Variants in SNX6 observed in about 807,000 individuals in gnomAD.
SNX6 encodes the protein sorting nexin-6.
In SNX6, 34 loss-of-function variants were observed where a neutral mutation model predicts 63.0. The ratio of observed to expected loss-of-function variants is 0.54; its 90% CI spans 0.41 to 0.72. SNX6 has a LOEUF of 0.72. Ranked by LOEUF, SNX6 falls within the 30% of genes least tolerant of loss-of-function variation. The pLI, the probability that SNX6 is intolerant of heterozygous loss-of-function variation, is 0.00. For synonymous variants in SNX6, 170 were observed against 164.2 expected, an observed-to-expected ratio of 1.04 and a Z score of -0.27; for missense variants, 398 against 471.4, an observed-to-expected ratio of 0.84 and a Z score of 1.44.
rs1882690072 is a variant in SNX6 at position 34,598,585 on chromosome 14, G to C, written c.517-940C>G. ...TTTAATAGAGATGGGATTTCACTGT[G>C]TTGGTCAGAGTGGTCTTGAACTCCT... is the stretch of plus-strand genomic sequence containing the variant. On this transcript the variant is annotated intron_variant, in intron 6 of 13. Coordinates refer to ENST00000362031, the MANE Select transcript of SNX6 (RefSeq NM_152233.4). Among the ~76,000 whole-genome samples, 3 of 152,328 alleles carry C rather than the reference G, an allele frequency of 2.0e-5. No individual in the cohort carries two copies. The South Asian group carries it at 6.2e-4, about 32-fold the overall frequency.
At chr14:34,563,420 G>A (rs565438269) in intron 13 of SNX6, among the ~76,000 whole-genome samples, 1 of 152,078 alleles carries the variant, frequency 6.6e-6, no homozygotes, top group African/African-American at 2.4e-5. Context: ...TTAGCCGGGC[G>A]TGGTGGTTGG....
chr14:34,573,050 C>T (rs1387576132), intron 11 of SNX6, among the ~76,000 whole-genome samples: 1 of 152,130 alleles, frequency 6.6e-6, no homozygotes, highest in African/African-American at 2.4e-5. Context: ...GTGGCAATCA[C>T]GGCTCACTGC....
rs371365537 is a variant in SNX6, at chr14:34,620,863, A to T, written c.54+9044T>A. On this transcript the variant is annotated intron_variant, in intron 2 of 13. Coordinates refer to ENST00000362031, the MANE Select transcript of SNX6 (RefSeq NM_152233.4). ...AGCTGAGACACAAGAAACTGCTTAAATCCGGGAGGGAGAAGTTGCAGTGAA... is the reference window on the plus strand; with the variant it reads ...AGCTGAGACACAAGAAACTGCTTAATTCCGGGAGGGAGAAGTTGCAGTGAA... Among the ~76,000 whole-genome samples the T allele has an allele frequency of 2.6e-4, 39 of 152,226 alleles. No individual in the cohort carries two copies. In the East Asian group the frequency reaches 7.2e-3, roughly 28 times the overall value.
chr14:34,590,533 A>G (rs1046531349), intron 8 of SNX6, among the ~76,000 whole-genome samples: 2 of 152,130 alleles, frequency 1.3e-5, no homozygotes, highest in Non-Finnish European at 2.9e-5. Flanking sequence ...ACACTGAGTT[A>G]CCACCACTGA....
rs537841239 is a variant in SNX6 at position 34,566,143 on chromosome 14, G to A, written c.1167+1543C>T. ...CAATGAACATTAGAAACCAGCTCAG[G>A]CTCAGTAAGAGTAATAATGTCAAAC... On this transcript the variant is annotated intron_variant, in intron 13 of 13. Coordinates refer to ENST00000362031, the MANE Select transcript of SNX6 (RefSeq NM_152233.4). 6.6e-5 allele frequency among the ~76,000 whole-genome samples: 10 copies of A among 152,282 alleles called. No homozygotes were observed. The East Asian group carries it at 1.9e-3, about 29-fold the overall frequency.
At chr14:34,573,702 G>C (rs1193160425) in intron 11 of SNX6, among the ~76,000 whole-genome samples, 2 of 151,646 alleles carry the variant, frequency 1.3e-5, no homozygotes, top group African/African-American at 4.8e-5. Flanking sequence ...GCAATGGCGC[G>C]GTCTCGGCTC....
At chr14:34,605,332 T>C (rs1882974654) in intron 5 of SNX6, among the ~76,000 whole-genome samples, 1 of 152,098 alleles carries the variant, frequency 6.6e-6, no homozygotes, top group African/African-American at 2.4e-5. Context: ...TAAAAGAAGC[T>C]TTTGGATCTT....
chr14:34,584,926 C>T (rs553655297), intron 9 of SNX6, among the ~76,000 whole-genome samples: 15 of 151,998 alleles, frequency 9.9e-5, no homozygotes, highest in Admixed American at 7.2e-4. Flanking sequence ...GATCTCGGCT[C>T]AACGCAACCT....
chr14:34,618,708 T>G (rs1251849431), intron 2 of SNX6, among the ~76,000 whole-genome samples: 1 of 151,922 alleles, frequency 6.6e-6, no homozygotes, highest in Non-Finnish European at 1.5e-5. Flanking sequence ...AACCGCTGGT[T>G]CCCTCTGCCT....
chr14:34,569,141 G>T (rs1594692578), intron 11 of SNX6: 3 of 812,048 alleles, frequency 3.7e-6, no homozygotes, highest in Non-Finnish European at 6.6e-6. Flanking sequence ...ATGCGGCCCG[G>T]CCTGTGCACT....
At chr14:34,609,184 A>G (rs1883127914) in intron 3 of SNX6, among the ~76,000 whole-genome samples, 1 of 150,962 alleles carries the variant, frequency 6.6e-6, no homozygotes, top group Admixed American at 6.6e-5. Context: ...CAGAATATTA[A>G]TCTAAAAAAA....
chr14:34,630,087 CT>C (rs1297740665), intron 1 of SNX6, 23 bp downstream of exon 1: 1 of 1,450,502 alleles, frequency 6.9e-7, no homozygotes, highest in African/African-American at 1.5e-5. Flanking sequence ...GCTCCCGGGA[CT>C]CGGCGCCGCG....
intron 2 of SNX6, among the ~76,000 whole-genome samples, chr14:34,613,859 A>G (rs1883322828): frequency 6.6e-6 from 1 of 151,948 alleles, no homozygotes; most frequent in Non-Finnish European, 1.5e-5. Context: ...CTGTAATACC[A>G]GCACTCTGGG....
intron 13 of SNX6, among the ~76,000 whole-genome samples, chr14:34,567,271 G>C (rs1055886980): frequency 2.6e-5 from 4 of 151,942 alleles, no homozygotes; most frequent in African/African-American, 9.7e-5. Context: ...AGGATCATTT[G>C]AGGACGGGAT....
rs373517660 is a variant in SNX6, at chr14:34,605,548, G to C, written c.392+48C>G. ...ATTAAAGCAAGCACAATTAACAAAG[G>C]CAACAACAACCAAAAAAAAAAAACA... On this transcript the variant is annotated intron_variant, in intron 5 of 13. Transcript: ENST00000362031. 3.1e-5 allele frequency: 44 copies of C among 1,440,818 alleles called. No individual in the cohort carries two copies. In the African/African-American group the frequency reaches 6.5e-4, roughly 21 times the overall value. The allele number at this position is 1,440,818 out of a possible 1,614,324, so 89.3% of individuals were successfully genotyped here.
In SNX6 at chr14:34,573,661, C is replaced by T. The variant is rs186498260; in HGVS notation, c.921+2095G>A. The stretch of plus-strand genomic sequence containing the variant: ...ATTAATTAATTTATTTTTTTCGAGA[C>T]GGAGTCTCGCTTTGTCGCCCAGGCT... On this transcript the variant is annotated intron_variant, in intron 11 of 13. Coordinates refer to ENST00000362031, the MANE Select transcript of SNX6 (RefSeq NM_152233.4). 9.3e-5 allele frequency among the ~76,000 whole-genome samples: 14 copies of T among 151,022 alleles called. No homozygotes were observed. In the East Asian group the frequency reaches 2.8e-3, roughly 30 times the overall value.
chr14:34,603,610 GT>G (rs1197747327), intron 5 of SNX6, 139 bp from the exon 6 acceptor site: 4 of 652,760 alleles, frequency 6.1e-6, no homozygotes, highest in Non-Finnish European at 9.3e-6. Flanking sequence ...TGTAAACAAG[GT>G]TTTTAGTTGA....
At chr14:34,614,668 T>C (rs574501650) in intron 2 of SNX6, among the ~76,000 whole-genome samples, 3 of 152,212 alleles carry the variant, frequency 2.0e-5, no homozygotes, top group African/African-American at 7.2e-5. Context: ...GTGGAATCCC[T>C]GCACCTTGGG....
At chr14:34,610,624 AACT>A (rs1883192122) in intron 2 of SNX6, among the ~76,000 whole-genome samples, 1 of 152,176 alleles carries the variant, frequency 6.6e-6, no homozygotes. Flanking sequence ...TAACTCCATA[AACT>A]ACATTTGAAG....
Sources: gnomAD v4.1 joint callset for allele counts (sites outside exome capture counted in the v4.1 genomes callset) on GRCh38, gnomAD v4.1.1 for gene constraint, MANE v1.5 for transcripts, NCBI Gene and HGNC (gene_info 2026-07-23, HGNC 2026-07-21) for gene names.